The following NRG1 variants were observed in gnomAD, a reference collection of about 807,000 sequenced individuals.
NRG1 encodes pro-neuregulin-1, membrane-bound isoform.
In NRG1, 18 loss-of-function variants were observed where a neutral mutation model predicts 63.8. That is an observed-to-expected ratio of 0.28 (90% CI 0.19 to 0.42). The LOEUF (loss-of-function observed/expected upper bound fraction) is 0.42, where lower values mean the gene tolerates loss of function less well. Among genes scored for constraint, NRG1 ranks in the 10% least tolerant of loss-of-function variants. The probability of loss-of-function intolerance (pLI) is 1.00; values close to 1 mark genes in which losing one functional copy is unlikely to be tolerated. For synonymous variants in NRG1, 302 were observed against 301.3 expected, an observed-to-expected ratio of 1.00 and a Z score of -0.02; for missense variants, 762 against 814.7, an observed-to-expected ratio of 0.94 and a Z score of 0.79.
intron 1 of NRG1, among the ~76,000 whole-genome samples, chr8:32,276,112 C>A (rs1223679806): frequency 6.6e-6 from 1 of 152,148 alleles, no homozygotes; most frequent in Non-Finnish European, 1.5e-5. Context: ...CATATTCACC[C>A]TACAGTGCCA....
chr8:31,825,377 G>C (rs1824446000), intron 1 of NRG1, among the ~76,000 whole-genome samples: 1 of 150,198 alleles, frequency 6.7e-6, no homozygotes, highest in Non-Finnish European at 1.5e-5. Flanking sequence ...GACAGAGGGA[G>C]ACTCCATCTC....
At chr8:32,670,005 G>A (rs1445093951) in intron 5 of NRG1, among the ~76,000 whole-genome samples, 6 of 152,092 alleles carry the variant, frequency 3.9e-5, no homozygotes, top group Admixed American at 3.9e-4. Flanking sequence ...TTCGTATCTT[G>A]CCATTTAAAA....
chr8:32,480,440 A>C lies in NRG1; in HGVS notation c.38-115388A>C, dbSNP rs190437736. Among the ~76,000 whole-genome samples the C allele has an allele frequency of 1.7e-3, 261 of 151,994 alleles. 1 individual carries two copies. Among genetic ancestry groups the C allele is most frequent in the African/African-American group, 5.9e-3 (246 of 41,428 alleles). ...TGGTACATCTCCAAATTGCTTAAAAAAAAAAAAAAGGTTTCAAATGTTGTC... is the reference window on the plus strand; with the variant it reads ...TGGTACATCTCCAAATTGCTTAAAACAAAAAAAAAGGTTTCAAATGTTGTC... On this transcript the variant is annotated intron_variant, in intron 1 of 10. Transcript: ENST00000519301.
chr8:32,195,959 T>G (rs902782464), intron 1 of NRG1, among the ~76,000 whole-genome samples: 2 of 152,194 alleles, frequency 1.3e-5, no homozygotes, highest in African/African-American at 4.8e-5. Context: ...AAGAGGTTGA[T>G]GCAAAAGTAA....
intron 7 of NRG1, among the ~76,000 whole-genome samples, chr8:32,752,952 A>G (rs941582041): frequency 6.6e-6 from 1 of 152,182 alleles, no homozygotes; most frequent in African/African-American, 2.4e-5. Flanking sequence ...GATAAGGTCC[A>G]CTGTATCCTA....
intron 1 of NRG1, among the ~76,000 whole-genome samples, chr8:32,485,898 A>G (rs1825835437): frequency 6.6e-6 from 1 of 152,036 alleles, no homozygotes; most frequent in African/African-American, 2.4e-5. Context: ...TGCAAATTAT[A>G]TTTCCCCAAT....
chr8:32,754,440 G>A (rs985832431), exon 8 of NRG1: 10 of 1,613,638 alleles, frequency 6.2e-6, no homozygotes, highest in Admixed American at 1.7e-5. Context: ...CCTTGTGGTC[G>A]GCATCATGTG....
intron 1 of NRG1, among the ~76,000 whole-genome samples, chr8:31,690,239 A>ACACC (rs201811888): frequency 0.79 from 119,643 of 151,882 alleles, 48,081 homozygotes; most frequent in East Asian, 0.99. Context: ...TGAGTCATTT[A>ACACC]TAAATTTCCT....
chr8:31,937,539 A>G (rs1350868405), intron 1 of NRG1, among the ~76,000 whole-genome samples: 1 of 152,198 alleles, frequency 6.6e-6, no homozygotes, highest in Non-Finnish European at 1.5e-5. Flanking sequence ...GAACTGGATC[A>G]TCTTTGCAGA....
intron 1 of NRG1, among the ~76,000 whole-genome samples, chr8:32,318,184 CAG>C (rs1373947770): frequency 2.6e-5 from 4 of 152,116 alleles, no homozygotes; most frequent in East Asian, 1.9e-4. Flanking sequence ...AAGCTTAAGA[CAG>C]AGATGTTATC....
chr8:31,877,158 A>G (rs1334464803), intron 1 of NRG1, among the ~76,000 whole-genome samples: 1 of 152,162 alleles, frequency 6.6e-6, no homozygotes, highest in Non-Finnish European at 1.5e-5. Flanking sequence ...AAGAATATTT[A>G]TTTTGGAATA....
chr8:32,120,455 C>G (rs906784058), intron 1 of NRG1, among the ~76,000 whole-genome samples: 2 of 151,954 alleles, frequency 1.3e-5, no homozygotes, highest in Admixed American at 6.6e-5. Context: ...AAATAAAGTG[C>G]TAAAAGTCTG....
intron 1 of NRG1, among the ~76,000 whole-genome samples, chr8:32,008,243 G>A (rs1280774903): frequency 6.6e-6 from 1 of 151,472 alleles, no homozygotes; most frequent in Non-Finnish European, 1.5e-5. Flanking sequence ...AGTGTCGATT[G>A]CATGACTTTA....
At chr8:32,435,255 C>A (rs958609429) in intron 1 of NRG1, among the ~76,000 whole-genome samples, 5 of 152,070 alleles carry the variant, frequency 3.3e-5, no homozygotes, top group Non-Finnish European at 7.4e-5. Flanking sequence ...CATTGGTTTG[C>A]CTATTGGTTA....
intron 1 of NRG1, among the ~76,000 whole-genome samples, chr8:32,134,154 C>A (rs1310305398): frequency 6.6e-6 from 1 of 152,114 alleles, no homozygotes; most frequent in African/African-American, 2.4e-5. Flanking sequence ...GTCTCTACAG[C>A]ATGAAGACTC....
chr8:31,758,108 G>A lies in NRG1; in HGVS notation c.37+118677G>A, dbSNP rs545177652. 6.6e-5 allele frequency among the ~76,000 whole-genome samples: 10 copies of A among 152,068 alleles called. No homozygotes were observed. In the East Asian group the frequency reaches 1.4e-3, roughly 21 times the overall value. ...AAGTTGTGGGATACATGTGCAGAAC[G>A]TGCAGGTTTGTTACATAGGTATACA... On this transcript the variant is annotated intron_variant, in intron 1 of 10. Coordinates refer to the NRG1 transcript ENST00000519301.
chr8:32,582,069 C>CTTTTATTT (rs148113315), intron 1 of NRG1, among the ~76,000 whole-genome samples: 2 of 145,154 alleles, frequency 1.4e-5, no homozygotes, highest in African/African-American at 5.1e-5. Flanking sequence ...ACCATGAACT[C>CTTTTATTT]TATTTTATTT....
At chr8:31,869,029 G>A (rs1829246648) in intron 1 of NRG1, among the ~76,000 whole-genome samples, 1 of 152,178 alleles carries the variant, frequency 6.6e-6, no homozygotes, top group African/African-American at 2.4e-5. Flanking sequence ...TGGTAATTGT[G>A]GTGAAGCAAT....
chr8:32,427,060 C>T (rs746731208), intron 1 of NRG1, among the ~76,000 whole-genome samples: 6 of 151,912 alleles, frequency 3.9e-5, no homozygotes, highest in African/African-American at 7.3e-5. Context: ...GTAAACAGCC[C>T]GAGTAGCTGT....
Sources: gnomAD v4.1 joint callset for allele counts (sites outside exome capture counted in the v4.1 genomes callset) on GRCh38, gnomAD v4.1.1 for gene constraint, MANE v1.5 for transcripts, NCBI Gene and HGNC (gene_info 2026-07-23, HGNC 2026-07-21) for gene names.